Variants in FOLH1 observed in about 807,000 individuals in gnomAD.
The protein encoded by FOLH1 is glutamate carboxypeptidase 2.
A neutral mutation model predicts 93.9 loss-of-function variants in FOLH1; 54 were observed. The observed-to-expected ratio is 0.57, with a 90% CI of 0.46 to 0.72. The LOEUF (loss-of-function observed/expected upper bound fraction) is 0.72, where lower values mean the gene tolerates loss of function less well. Among genes scored for constraint, FOLH1 ranks in the 30% least tolerant of loss-of-function variants. The pLI is 0.00. For missense variants in FOLH1, 571 were observed against 892.5 expected, an observed-to-expected ratio of 0.64 and a Z score of 4.59; for synonymous variants, 249 against 303.6, an observed-to-expected ratio of 0.82 and a Z score of 1.87.
rs532831621 is a variant in FOLH1, at chr11:49,208,258, A to T, written c.118+34T>A. On this transcript the variant is annotated intron_variant, in intron 1 of 18. Transcript: ENST00000256999. ...CCAGCACCGCGGCACCACGGGGAAGACTCCGAGGTTTGCTCCGCGAGGCGC... is the reference window on the plus strand; with the variant it reads ...CCAGCACCGCGGCACCACGGGGAAGTCTCCGAGGTTTGCTCCGCGAGGCGC... 1.2e-4 allele frequency: 167 copies of T among 1,415,294 alleles called. 2 individuals carry two copies. The South Asian group carries it at 2.0e-3, about 17-fold the overall frequency. 87.7% of individuals were successfully genotyped at this position (1,415,294 alleles called of 1,614,324 possible).
chr11:49,185,880 C>T, intron 5 of FOLH1, 25 bp from the exon 6 acceptor site: 4 of 1,502,680 alleles, frequency 2.7e-6, no homozygotes, highest in Non-Finnish European at 3.5e-6. Context: ...GTCTTTCTTT[C>T]CTTATTTTAA....
chr11:49,207,932 T>TAAAA, intron 1 of FOLH1: 1 of 473,524 alleles, frequency 2.1e-6, no homozygotes. Context: ...CACAGAGAGG[T>TAAAA]AAAAAAACAA....
chr11:49,184,666 T>TA (rs1861173827), intron 6 of FOLH1, among the ~76,000 whole-genome samples: 2 of 152,220 alleles, frequency 1.3e-5, no homozygotes, highest in Admixed American at 6.5e-5. Context: ...ACATACTCTT[T>TA]ACAGGAGTCT....
Position 49,208,350 on chromosome 11 carries a change from C to T in FOLH1, c.60G>A (p.Trp20Ter). Residue 20 changes from tryptophan to a stop codon, truncating the protein, a stop_gained, in exon 1 of 19, where the codon TGG (tryptophan) becomes TGA (stop). Coordinates refer to ENST00000256999, the MANE Select transcript of FOLH1 (RefSeq NM_004476.3). LOFTEE classifies it high-confidence loss of function. ...CCAGCACCAGCGCCCCAGCGCACAG[C>T]CAGCGCGGGCGGCGCGCGGTGGCCA... ...SAVATARRPRWLCAGALVLAG... is the reference protein window; with the variant it reads ...SAVATARRPR The T allele has an allele frequency of 6.2e-7, 1 of 1,600,784 alleles. No individual in the cohort carries two copies. Among genetic ancestry groups the T allele is most frequent in the Non-Finnish European group, 8.5e-7 (1 of 1,172,618 alleles).
At chr11:49,173,557 T>C in intron 9 of FOLH1, 81 bp from the exon 10 acceptor site, 1 of 1,023,062 alleles carries the variant, frequency 9.8e-7, no homozygotes, top group Non-Finnish European at 1.2e-6. Flanking sequence ...AGCATCTAAA[T>C]ACAAAGCACT....
At chr11:49,207,932 T>C in intron 1 of FOLH1, 1 of 473,524 alleles carries the variant, frequency 2.1e-6, no homozygotes, top group Non-Finnish European at 4.1e-6. Context: ...CACAGAGAGG[T>C]AAAAAAACAA....
chr11:49,176,139 C>T (rs1011926485), intron 7 of FOLH1, among the ~76,000 whole-genome samples, 182 bp from the exon 8 acceptor site: 14 of 152,166 alleles, frequency 9.2e-5, no homozygotes, highest in African/African-American at 2.7e-4. Flanking sequence ...CTCCACTTCA[C>T]AGATGGGGCA....
At chr11:49,206,761 A>G (rs952116453) in intron 1 of FOLH1, 5 of 1,535,692 alleles carry the variant, frequency 3.3e-6, no homozygotes, top group South Asian at 1.2e-5. Context: ...GACAGCTACA[A>G]TGAAACTACA....
At chr11:49,155,228 C>CT (rs1856879988) in intron 15 of FOLH1, among the ~76,000 whole-genome samples, 1 of 152,064 alleles carries the variant, frequency 6.6e-6, no homozygotes, top group Non-Finnish European at 1.5e-5. Context: ...GGCTTCAGGA[C>CT]TTACTACCAA....
intron 13 of FOLH1, among the ~76,000 whole-genome samples, chr11:49,160,001 C>T (rs542244813): frequency 3.5e-4 from 53 of 152,008 alleles, no homozygotes; most frequent in Admixed American, 9.2e-4. Flanking sequence ...CTGCTCACTG[C>T]AACCTCGTTC....
At chr11:49,159,209 G>C (rs1397753721) in intron 13 of FOLH1, among the ~76,000 whole-genome samples, 1 of 152,042 alleles carries the variant, frequency 6.6e-6, no homozygotes, top group Non-Finnish European at 1.5e-5. Context: ...TTTTGTGTCG[G>C]TTTTGAAAAG....
intron 9 of FOLH1, among the ~76,000 whole-genome samples, chr11:49,174,493 CTT>C (rs1377714463): frequency 6.6e-6 from 1 of 152,024 alleles, no homozygotes; most frequent in Admixed American, 6.6e-5. Flanking sequence ...ACAAGATTAT[CTT>C]AATTTTCTAA....
At chr11:49,179,932 G>A (rs926906143) in intron 7 of FOLH1, among the ~76,000 whole-genome samples, 2 of 152,190 alleles carry the variant, frequency 1.3e-5, no homozygotes, top group Non-Finnish European at 2.9e-5. Flanking sequence ...CACAGTGCCT[G>A]AAATATAAAA....
At chr11:49,178,332 G>A (rs980030676) in intron 7 of FOLH1, among the ~76,000 whole-genome samples, 1 of 152,186 alleles carries the variant, frequency 6.6e-6, no homozygotes, top group Non-Finnish European at 1.5e-5. Flanking sequence ...AATAACATCA[G>A]TTGCTTTGGG....
Position 49,146,848 on chromosome 11 carries a change from G to T in FOLH1, c.2161C>A (p.Pro721Thr). Residue 721 changes from proline to threonine, a missense_variant, in exon 19 of 19, where the codon CCT (proline) becomes ACT (threonine). Transcript: ENST00000256999. ...ALFDIESKVD[P>T]SKAWGEVKRQ... The stretch of plus-strand genomic sequence containing the variant: ...TTCACTTCTCCCCAGGCCTTGGAAG[G>T]GTCCACTTTGCTTTCAATATCAAAC... 1 of 1,613,410 alleles carries T rather than the reference G, an allele frequency of 6.2e-7. No homozygotes were observed. The highest frequency in any genetic ancestry group is 8.5e-7 in the Non-Finnish European group (1 of 1,179,618).
intron 6 of FOLH1, among the ~76,000 whole-genome samples, chr11:49,184,973 C>T (rs886276228): frequency 2.6e-5 from 4 of 152,186 alleles, no homozygotes; most frequent in East Asian, 1.9e-4. Context: ...GACTTCTAGT[C>T]TCACTTTCCT....
chr11:49,184,830 A>T (rs1213479243), intron 6 of FOLH1, among the ~76,000 whole-genome samples: 1 of 152,238 alleles, frequency 6.6e-6, no homozygotes, highest in African/African-American at 2.4e-5. Flanking sequence ...GAGCACATTC[A>T]AAATAAATTA....
At chr11:49,157,068 G>T (rs1036099991) in intron 14 of FOLH1, among the ~76,000 whole-genome samples, 1 of 152,012 alleles carries the variant, frequency 6.6e-6, no homozygotes, top group Non-Finnish European at 1.5e-5. Flanking sequence ...TTTTCCTTAA[G>T]ATTATTTCAT....
At chr11:49,171,118 A>G in intron 11 of FOLH1, 77 bp downstream of exon 11, 2 of 1,434,952 alleles carry the variant, frequency 1.4e-6, no homozygotes, top group Non-Finnish European at 1.9e-6. Flanking sequence ...TTCACTTCTT[A>G]TTTTTATGTG....
Sources: gnomAD v4.1 joint callset for allele counts (sites outside exome capture counted in the v4.1 genomes callset) on GRCh38, gnomAD v4.1.1 for gene constraint, MANE v1.5 for transcripts, NCBI Gene and HGNC (gene_info 2026-07-23, HGNC 2026-07-21) for gene names.